The following USP54 variants were observed in gnomAD, a reference collection of about 807,000 sequenced individuals.
USP54 encodes the protein ubiquitin specific peptidase 54.
A neutral mutation model predicts 170.5 loss-of-function variants in USP54; 87 were observed. The ratio of observed to expected loss-of-function variants is 0.51; its 90% CI spans 0.43 to 0.61. The LOEUF is 0.61. Ranked by LOEUF, USP54 falls within the 20% of genes least tolerant of loss-of-function variation. USP54 has a pLI of 0.00. For synonymous variants in USP54, 655 were observed against 742.8 expected (o/e 0.88, Z 1.92); for missense variants, 1,786 against 2,047.8 (o/e 0.87, Z 2.47).
In USP54 at chr10:73,500,723, G is replaced by T; in HGVS notation, c.4427C>A (p.Pro1476His). Residue 1476 changes from proline (P) to histidine (H), a missense_variant, in exon 23 of 24, where the codon CCC becomes CAC. Pro to His is a moderately conservative substitution (Grantham distance 77, BLOSUM62 -2). Transcript: ENST00000687698. Reference sequence around the variant, plus strand: ...ATCTGGGGACAGGAACTGTGGTTGGGGAAGGTAGAGTTGGGGACCGAGGAG... The same window carrying T: ...ATCTGGGGACAGGAACTGTGGTTGGTGAAGGTAGAGTTGGGGACCGAGGAG... ...VFLLGPQLYL[P>H]QPQFLSPDVL... The T allele has an allele frequency of 1.2e-6, 2 of 1,606,934 alleles. No individual in the cohort carries two copies. The highest frequency in any genetic ancestry group is 1.7e-6 in the Non-Finnish European group (2 of 1,176,694).
chr10:73,503,868 G>A (rs1172899913), intron 22 of USP54, among the ~76,000 whole-genome samples: 1 of 152,094 alleles, frequency 6.6e-6, no homozygotes, highest in African/African-American at 2.4e-5. Flanking sequence ...GAGTAGCTAG[G>A]ACTACAAGCA....
chr10:73,553,175 T>C (rs2070001842), intron 4 of USP54: 1 of 152,220 alleles, frequency 6.6e-6, no homozygotes, highest in South Asian at 2.1e-4. Flanking sequence ...GCTCCCCAGT[T>C]CAGTGGTATC....
chr10:73,573,689 C>T (rs112666918), intron 3 of USP54, among the ~76,000 whole-genome samples: 1 of 152,158 alleles, frequency 6.6e-6, no homozygotes, highest in Non-Finnish European at 1.5e-5. Context: ...CGCTTGAACC[C>T]AAGAGGCGGA....
At chr10:73,575,722 C>T (rs766567969) in intron 2 of USP54, 47 bp from the exon 3 acceptor site, 71 of 1,497,418 alleles carry the variant, frequency 4.7e-5, no homozygotes, top group Non-Finnish European at 6.2e-5. Context: ...GCAGGAATTT[C>T]TGTCTGCTAA....
chr10:73,518,103 G>T, intron 19 of USP54: 1 of 876,930 alleles, frequency 1.1e-6, no homozygotes, highest in African/African-American at 1.8e-5. Context: ...CTCACATGCA[G>T]ATGACATGGA....
At chr10:73,612,271 A>G (rs1023091057) in intron 1 of USP54, among the ~76,000 whole-genome samples, 1 of 152,152 alleles carries the variant, frequency 6.6e-6, no homozygotes, top group Non-Finnish European at 1.5e-5. Context: ...TCTAACTCAG[A>G]TGGCACATAA....
intron 15 of USP54, among the ~76,000 whole-genome samples, chr10:73,527,812 C>G (rs1165606164): frequency 3.3e-5 from 2 of 60,280 alleles, no homozygotes; most frequent in South Asian, 1.2e-3. Context: ...CAAGCCTGGG[C>G]AAAATGATGA....
intron 1 of USP54, among the ~76,000 whole-genome samples, chr10:73,599,266 C>T (rs901459428): frequency 7.9e-5 from 12 of 152,166 alleles, no homozygotes; most frequent in African/African-American, 2.2e-4. Context: ...GTGAAACTGA[C>T]GGGATTTTGA....
intron 13 of USP54, 63 bp from the exon 14 acceptor site, chr10:73,530,586 A>G (rs2063767731): frequency 3.8e-6 from 6 of 1,563,804 alleles, no homozygotes; most frequent in Non-Finnish European, 4.3e-6. Context: ...CTAGACCCCA[A>G]TGTCGAAAAA....
intron 23 of USP54, 101 bp downstream of exon 23, chr10:73,500,554 C>T (rs1000690155): frequency 1.7e-6 from 2 of 1,173,416 alleles, no homozygotes; most frequent in Non-Finnish European, 2.4e-6. Context: ...ACCACTCCAC[C>T]TTGGGATACC....
In USP54 at chr10:73,517,733, G is replaced by A. The variant is rs201226214; in HGVS notation, c.2693C>T (p.Pro898Leu). ...LSQPTSEQPI[P>L]LQVLLSQEAQ... ...CTCTTGGCTTAACAATACTTGGAGC[G>A]GGATAGGCTGTTCACTGAAACAAAT... Residue 898 changes from proline (P) to leucine (L), a missense_variant, in exon 20 of 24, where the codon CCG (proline) becomes CTG (leucine). Physicochemically the swap from Pro to Leu is moderately conservative, Grantham distance 98. Around this residue, in one of 3 missense-constraint regions of USP54, gnomAD observed 1,418 missense variants for 1,569.0 expected, o/e 0.90. Transcript: ENST00000687698. The A allele has an allele frequency of 4.4e-5, 71 of 1,611,722 alleles. No homozygotes were observed. The highest frequency in any genetic ancestry group is 5.7e-5 in the Non-Finnish European group (67 of 1,178,848).
Position 73,498,992 on chromosome 10 carries a change from A to C in USP54, c.4692T>G (p.Pro1564=), listed in dbSNP as rs747621511. The change falls in exon 24 of 24, where the codon CCT becomes CCG. Residue 1564 remains proline (P), a synonymous_variant. Transcript: ENST00000687698. ...GTAGTGTGGCAGTGTAGGTTAGTTG[A>C]GGATTGCACCCTGGAGTAGTCAGGA... ...TRFLTTPGCN[P]QLTYTATLPE... The C allele has an allele frequency of 1.2e-6, 2 of 1,614,096 alleles. No individual in the cohort carries two copies. Among genetic ancestry groups the C allele is most frequent in the Non-Finnish European group, 1.7e-6 (2 of 1,180,016 alleles).
At chr10:73,588,620 T>C (rs1171786114) in intron 1 of USP54, among the ~76,000 whole-genome samples, 1 of 152,218 alleles carries the variant, frequency 6.6e-6, no homozygotes, top group Non-Finnish European at 1.5e-5. Flanking sequence ...TAATCCCATC[T>C]ATACAATATT....
intron 1 of USP54, among the ~76,000 whole-genome samples, chr10:73,618,730 A>G (rs2080849444): frequency 7.0e-6 from 1 of 141,936 alleles, no homozygotes; most frequent in South Asian, 2.2e-4. Flanking sequence ...TCACAGAGCG[A>G]GACTCCATCT....
At chr10:73,508,150 G>A (rs1204625271) in intron 20 of USP54, among the ~76,000 whole-genome samples, 2 of 152,206 alleles carry the variant, frequency 1.3e-5, no homozygotes, top group Non-Finnish European at 2.9e-5. Flanking sequence ...GCTCATGCCT[G>A]TAATCCCAAC....
intron 4 of USP54, among the ~76,000 whole-genome samples, chr10:73,554,481 G>A (rs1165082591): frequency 6.6e-6 from 1 of 152,090 alleles, no homozygotes; most frequent in Non-Finnish European, 1.5e-5. Context: ...ACTGACTACT[G>A]GAAAAGAGAC....
intron 4 of USP54, among the ~76,000 whole-genome samples, chr10:73,550,351 C>G (rs2068973099): frequency 6.6e-6 from 1 of 152,176 alleles, no homozygotes; most frequent in Non-Finnish European, 1.5e-5. Context: ...ATGGCTCAAT[C>G]ACTCATTTCC....
intron 3 of USP54, among the ~76,000 whole-genome samples, chr10:73,571,745 A>G (rs1457413911): frequency 1.3e-5 from 2 of 152,240 alleles, no homozygotes; most frequent in African/African-American, 4.8e-5. Context: ...TGAAGGTAAT[A>G]CAGTTAAAAT....
chr10:73,581,852 G>A (rs1197581622), intron 1 of USP54, among the ~76,000 whole-genome samples: 2 of 152,074 alleles, frequency 1.3e-5, no homozygotes, highest in Non-Finnish European at 2.9e-5. Flanking sequence ...AGTCAACAGG[G>A]CTAAATTGAA....
Sources: gnomAD v4.1 joint callset for allele counts (sites outside exome capture counted in the v4.1 genomes callset) on GRCh38, gnomAD v4.1.1 for gene constraint, gnomAD v4.1.1 regional missense constraint, MANE v1.5 for transcripts, NCBI Gene and HGNC (gene_info 2026-07-23, HGNC 2026-07-21) for gene names.